Variants in CREM observed in about 807,000 individuals in gnomAD.
CREM encodes the protein cAMP-responsive element modulator.
CREM carries 13 observed loss-of-function variants against 37.3 expected under a neutral mutation model. That is an observed-to-expected ratio of 0.35 (90% CI 0.23 to 0.55). The LOEUF (loss-of-function observed/expected upper bound fraction) is 0.55. Ranked by LOEUF, CREM falls within the 20% of genes least tolerant of loss-of-function variation. The pLI, the probability that CREM is intolerant of heterozygous loss-of-function variation, is 0.88. For missense variants in CREM, 296 were observed against 362.3 expected (o/e 0.82, Z 1.49); for synonymous variants, 124 against 120.2 (o/e 1.03, Z -0.21).
At chr10:35,166,048 C>T (rs10827493) in intron 3 of CREM, among the ~76,000 whole-genome samples, 50,161 of 151,822 alleles carry the variant, frequency 0.33, 8,377 homozygotes, top group South Asian at 0.35. Context: ...TCCCCCTTTT[C>T]AATTCAGATT....
At chr10:35,138,186 G>A (rs2090879005) in intron 2 of CREM, among the ~76,000 whole-genome samples, 1 of 152,184 alleles carries the variant, frequency 6.6e-6, no homozygotes, top group Admixed American at 6.5e-5. Context: ...AATCCCCAGG[G>A]TTTTATTCTT....
At chr10:35,186,748 TTATA>T (rs920412565) in intron 5 of CREM, among the ~76,000 whole-genome samples, 2 of 131,946 alleles carry the variant, frequency 1.5e-5, no homozygotes, top group South Asian at 4.4e-4. Flanking sequence ...ATAGTTATAA[TTATA>T]TATAGTTATA....
intron 6 of CREM, among the ~76,000 whole-genome samples, chr10:35,200,491 A>G (rs894995752): frequency 4.6e-5 from 7 of 152,200 alleles, no homozygotes; most frequent in South Asian, 2.1e-4. Context: ...TATGTGGTCT[A>G]TGTGTTATAG....
intron 3 of CREM, among the ~76,000 whole-genome samples, chr10:35,170,062 A>G (rs1233468589): frequency 6.7e-6 from 1 of 150,024 alleles, no homozygotes; most frequent in Non-Finnish European, 1.5e-5. Flanking sequence ...TCCTGGGTTC[A>G]CGCCATTCTC....
chr10:35,186,526 G>A (rs2094557764), intron 5 of CREM, among the ~76,000 whole-genome samples: 2 of 150,290 alleles, frequency 1.3e-5, no homozygotes, highest in Admixed American at 1.3e-4. Context: ...TTATATTTCA[G>A]GATTCTCCTG....
chr10:35,154,480 A>G (rs934468879), intron 3 of CREM: 37 of 161,254 alleles, frequency 2.3e-4, no homozygotes, highest in African/African-American at 7.2e-4. Context: ...GCTTCAGTAT[A>G]TTAATTTCCT....
At chr10:35,204,521 A>G (rs1383487799) in intron 6 of CREM, among the ~76,000 whole-genome samples, 2 of 151,660 alleles carry the variant, frequency 1.3e-5, no homozygotes, top group East Asian at 3.9e-4. Context: ...AATCACTTGA[A>G]CCAGGGAGTA....
chr10:35,127,884 T>TA (rs2088251825), intron 1 of CREM, among the ~76,000 whole-genome samples: 1 of 152,150 alleles, frequency 6.6e-6, no homozygotes. Context: ...GTCTTGCTGT[T>TA]ACCCAGGCTG....
chr10:35,152,174 T>A (rs1273507321), intron 3 of CREM: 3 of 152,230 alleles, frequency 2.0e-5, no homozygotes, highest in African/African-American at 7.2e-5. Flanking sequence ...AGATTATCAG[T>A]AAACAGTGTG....
rs760034065 is a variant in CREM at position 35,211,645 on chromosome 10, CT to C, written c.*254del. On this transcript the variant is annotated 3_prime_UTR_variant, in exon 8 of 8. Transcript: ENST00000685392. ...ATGCTTTGTTTGCCCTTTGCTTCTG[CT>C]TTTTTTCAGGGAAGCTGCCAAAGAA... 1.2e-6 allele frequency: 2 copies of C among 1,606,514 alleles called. No homozygotes were observed. The highest frequency in any genetic ancestry group is 2.2e-5 in the South Asian group (2 of 89,424).
chr10:35,196,836 T>A (rs1238567895), intron 6 of CREM, among the ~76,000 whole-genome samples: 1 of 148,782 alleles, frequency 6.7e-6, no homozygotes, highest in African/African-American at 2.5e-5. Context: ...TAACAAAAAA[T>A]AAATAAAATG....
chr10:35,191,153 G>T (rs1377010337), intron 6 of CREM, among the ~76,000 whole-genome samples: 1 of 149,254 alleles, frequency 6.7e-6, no homozygotes, highest in Non-Finnish European at 1.5e-5. Flanking sequence ...TCTTCACGGA[G>T]ATCTTGCATA....
At chr10:35,205,092 G>A (rs1564994027) in intron 6 of CREM, among the ~76,000 whole-genome samples, 2 of 152,172 alleles carry the variant, frequency 1.3e-5, no homozygotes, top group Admixed American at 1.3e-4. Flanking sequence ...TCATCAGAGT[G>A]ACAAACTAAC....
intron 7 of CREM, chr10:35,209,270 C>T (rs965409217): frequency 2.1e-6 from 2 of 971,618 alleles, no homozygotes; most frequent in Non-Finnish European, 2.4e-6. Context: ...CTCATTATAT[C>T]GTATTTCTGC....
chr10:35,129,006 A>C (rs890976307), intron 1 of CREM, among the ~76,000 whole-genome samples: 3 of 152,266 alleles, frequency 2.0e-5, no homozygotes, highest in African/African-American at 7.2e-5. Context: ...TATTGATCCC[A>C]ACACAGCTTT....
At chr10:35,154,381 G>A (rs952860130) in intron 3 of CREM, 5 of 281,558 alleles carry the variant, frequency 1.8e-5, no homozygotes, top group African/African-American at 1.1e-4. Flanking sequence ...GTATATTAAA[G>A]AGATCTGCAT....
At chr10:35,210,376 G>A (rs979970841) in intron 7 of CREM, 1 of 152,254 alleles carries the variant, frequency 6.6e-6, no homozygotes, top group South Asian at 2.1e-4. Flanking sequence ...GTTTTGGTGG[G>A]GTTATGTATG....
intron 6 of CREM, among the ~76,000 whole-genome samples, chr10:35,193,586 C>A (rs1284138548): frequency 2.6e-5 from 4 of 152,138 alleles, no homozygotes; most frequent in African/African-American, 9.7e-5. Flanking sequence ...TCCAGGGTTC[C>A]TTACTCAGCC....
chr10:35,139,542 C>A (rs1375586193), intron 2 of CREM, among the ~76,000 whole-genome samples: 3 of 152,016 alleles, frequency 2.0e-5, no homozygotes, highest in Non-Finnish European at 4.4e-5. Context: ...ATTGTTTTAT[C>A]CTTACATGTT....
Sources: gnomAD v4.1 joint callset for allele counts (sites outside exome capture counted in the v4.1 genomes callset) on GRCh38, gnomAD v4.1.1 for gene constraint, MANE v1.5 for transcripts, NCBI Gene and HGNC (gene_info 2026-07-23, HGNC 2026-07-21) for gene names.